Variants in TAPBP observed in about 807,000 individuals in gnomAD.
The protein encoded by TAPBP is TAP binding protein, also known as tapasin.
TAPBP carries 38 observed loss-of-function variants against 45.7 expected under a neutral mutation model. The ratio of observed to expected loss-of-function variants is 0.83; its 90% CI spans 0.64 to 1.09. TAPBP has a LOEUF of 1.09. TAPBP is among the 50% of genes least tolerant of loss of function. TAPBP has a pLI of 0.00. For synonymous variants in TAPBP, 226 were observed against 254.8 expected (o/e 0.89, Z 1.08); for missense variants, 513 against 587.3 (o/e 0.87, Z 1.31).
rs1768599591 is a variant in TAPBP at position 33,301,673 on chromosome 6, C to T, written c.*87G>A. ...GGAGAGAGATTGGAGGGATTAGGAG[C>T]AGATGATAGGGTATTATTTTAGGGA... On this transcript the variant is annotated 3_prime_UTR_variant, in exon 8 of 8. Coordinates refer to ENST00000434618, the MANE Select transcript of TAPBP (RefSeq NM_003190.5). 6 of 1,213,040 alleles carry T rather than the reference C, an allele frequency of 4.9e-6. No homozygotes were observed. The highest frequency in any genetic ancestry group is 6.1e-6 in the Non-Finnish European group (5 of 823,120). 75.1% of individuals were successfully genotyped at this position (1,213,040 alleles called of 1,614,324 possible). A position where few individuals can be genotyped will look rare whatever the true frequency, so the allele number is the denominator to read the frequency against.
Position 33,304,502 on chromosome 6 carries a change from G to A in TAPBP, c.1005C>T (p.Gly335=). The change falls in exon 5 of 8, where the codon GGC becomes GGT. Residue 335 remains glycine (G), a synonymous_variant. Transcript: ENST00000434618. Reference sequence around the variant, plus strand: ...CGGCCTTCTGAGAGCGGCCCCCTGGGCCACCCCGGAGTTCCCACTCCACCT... The same window carrying A: ...CGGCCTTCTGAGAGCGGCCCCCTGGACCACCCCGGAGTTCCCACTCCACCT... ...GLEVEWELRG[G]PGGRSQKAEG... is the part of the protein sequence containing the mutation. 6.2e-7 allele frequency: 1 copy of A among 1,613,232 alleles called. No individual in the cohort carries two copies. Among genetic ancestry groups the A allele is most frequent in the South Asian group, 1.1e-5 (1 of 90,982 alleles).
At position 33,314,061 on chromosome 6, in the gene TAPBP, C is replaced by A. The variant is rs1417132952; in HGVS notation, c.-20G>T. The A allele has an allele frequency of 1.2e-6, 2 of 1,613,236 alleles. No individual in the cohort carries two copies. The highest frequency in any genetic ancestry group is 4.5e-5 in the East Asian group (2 of 44,840). On this transcript the variant is annotated 5_prime_UTR_variant, in exon 1 of 8. Transcript: ENST00000434618. ...CTTCATGGCGCTGCGACCTCCTCAG[C>A]CATGAAGCCTCCTCTTCCTCCTTTC...
At chr6:33,303,280 G>A (rs1200714748) in intron 7 of TAPBP, among the ~76,000 whole-genome samples, 2 of 152,080 alleles carry the variant, frequency 1.3e-5, no homozygotes, top group African/African-American at 4.8e-5. Flanking sequence ...TTAGCCAGGC[G>A]TGGTGGTGGG....
rs1360892036 is a variant in TAPBP, at chr6:33,313,007, G to A, written c.469+210C>T. On this transcript the variant is annotated intron_variant, in intron 3 of 7. Coordinates refer to ENST00000434618, the MANE Select transcript of TAPBP (RefSeq NM_003190.5). The surrounding 1 kb of genome is among the most constrained non-coding windows in gnomAD (Gnocchi z 7.2). Reference sequence around the variant, plus strand: ...TCCCCCTACCCCCTGCCAAGCTGCAGTTTTTTTTTTGTTTTTTTTTTTTAA... The same window carrying A: ...TCCCCCTACCCCCTGCCAAGCTGCAATTTTTTTTTTGTTTTTTTTTTTTAA... 4.7e-5 allele frequency: 20 copies of A among 427,272 alleles called. No individual in the cohort carries two copies. In the Admixed American group the frequency reaches 6.1e-4, roughly 13 times the overall value. 26.5% of individuals were successfully genotyped at this position (427,272 alleles called of 1,614,324 possible). A position where few individuals can be genotyped will look rare whatever the true frequency, so the allele number is the denominator to read the frequency against.
At chr6:33,304,099 G>A (rs760853660) in intron 6 of TAPBP, 29 bp downstream of exon 6, 2 of 1,611,906 alleles carry the variant, frequency 1.2e-6, no homozygotes, top group Non-Finnish European at 8.5e-7. Context: ...CCAACCTCAG[G>A]TCATGGTCAG....
chr6:33,303,551 T>TC, intron 7 of TAPBP: 1 of 603,878 alleles, frequency 1.7e-6, no homozygotes, highest in Non-Finnish European at 2.8e-6. Flanking sequence ...TCTGAAAAAA[T>TC]CCAACATCCA....
Position 33,304,583 on chromosome 6 carries a change from C to T in TAPBP, c.924G>A (p.Glu308=). 6.2e-6 allele frequency: 10 copies of T among 1,601,794 alleles called. No individual in the cohort carries two copies. Among genetic ancestry groups the T allele is most frequent in the Non-Finnish European group, 8.5e-6 (10 of 1,178,446 alleles). The stretch of plus-strand genomic sequence containing the variant: ...CAAGGCAGAGCAATTCCGGGGGTGC[C>T]TCCCCTGGGGCGGCCCGTGCAAGGG... ...PATLARAAPG[E]APPELLCLVS... is the part of the protein sequence containing the mutation. Residue 308 remains glutamate, a synonymous_variant, in exon 5 of 8, where the codon GAG becomes GAA. Coordinates refer to ENST00000434618, the MANE Select transcript of TAPBP (RefSeq NM_003190.5).
intron 3 of TAPBP, among the ~76,000 whole-genome samples, chr6:33,306,144 A>G (rs1768957401): frequency 6.6e-6 from 1 of 152,198 alleles, no homozygotes; most frequent in Non-Finnish European, 1.5e-5. Context: ...ACACCTACCC[A>G]TGAAGGGTGC....
intron 7 of TAPBP, among the ~76,000 whole-genome samples, chr6:33,302,157 T>C (rs1768637629): frequency 6.7e-6 from 1 of 150,356 alleles, no homozygotes; most frequent in South Asian, 2.1e-4. Flanking sequence ...TTTTTTTTTT[T>C]TTTTTTGAGA....
rs41266737 is a variant in TAPBP at position 33,304,699 on chromosome 6, C to T, written c.869-61G>A. The T allele has an allele frequency of 4.8e-3, 7,093 of 1,487,558 alleles. 259 individuals carry two copies. In the African/African-American group the frequency reaches 0.079, roughly 17 times the overall value. The allele number at this position is 1,487,558 out of a possible 1,614,324, so 92.1% of individuals were successfully genotyped here. A position where few individuals can be genotyped will look rare whatever the true frequency, so the allele number is the denominator to read the frequency against. ...AGTCCATACTGTCCTCCCTAAGAGA[C>T]CCTCAGTTTGCCTGCTGGCTTCCTC... is the stretch of plus-strand genomic sequence containing the variant. On this transcript the variant is annotated intron_variant, in intron 4 of 7. Transcript: ENST00000434618.
At chr6:33,311,713 A>G (rs1769354614) in intron 3 of TAPBP, among the ~76,000 whole-genome samples, 1 of 152,232 alleles carries the variant, frequency 6.6e-6, no homozygotes, top group African/African-American at 2.4e-5. Context: ...AATACAGACA[A>G]TCTTACCACC....
rs538568209 is a variant in TAPBP at position 33,305,099 on chromosome 6, T to C, written c.758A>G (p.Asn253Ser). ...AACTGTAGGCAGCCAGAAGGTCCCA[T>C]TTCCGGTCCATGGGCCCCATGGCTC... ...DDEPWGPWTG[N>S]GTFWLPTVQP... The change falls in exon 4 of 8, where the codon AAT becomes AGT. Residue 253 changes from asparagine (N) to serine (S), a missense_variant. Transcript: ENST00000434618. The surrounding 1 kb of genome is among the most constrained non-coding windows in gnomAD (Gnocchi z 4.4). The C allele has an allele frequency of 1.5e-5, 25 of 1,614,190 alleles. 1 individual carries two copies. The East Asian group carries it at 2.9e-4, about 19-fold the overall frequency.
rs1227099206 is a variant in TAPBP, at chr6:33,304,007, G to A, written c.1301-18C>T. 1.9e-6 allele frequency: 3 copies of A among 1,613,892 alleles called. No individual in the cohort carries two copies. The East Asian group carries it at 6.7e-5, about 36-fold the overall frequency. ...GTAGACAGCTGTGGGGAAAGATTGA[G>A]AAGGGATGGGATGCTGGAGTGGTAG... is the stretch of plus-strand genomic sequence containing the variant. On this transcript the variant is annotated intron_variant, in intron 6 of 7. Transcript: ENST00000434618.
At chr6:33,302,352 C>A (rs749203817) in intron 7 of TAPBP, among the ~76,000 whole-genome samples, 2 of 151,478 alleles carry the variant, frequency 1.3e-5, no homozygotes, top group Non-Finnish European at 2.9e-5. Flanking sequence ...TGAGACAGAG[C>A]CTCACTCTGT....
chr6:33,303,580 G>C, intron 7 of TAPBP: 2 of 729,110 alleles, frequency 2.7e-6, no homozygotes, highest in Non-Finnish European at 4.3e-6. Context: ...TCTGACCCAA[G>C]CATTTCAGAT....
chr6:33,304,920 C>T (rs1300109372), intron 4 of TAPBP, 69 bp downstream of exon 4: 4 of 1,573,318 alleles, frequency 2.5e-6, no homozygotes, highest in Middle Eastern at 1.9e-4. Flanking sequence ...CATCATCCCT[C>T]CCCCTATTAC....
rs1356930412 is a variant in TAPBP, at chr6:33,304,520, C to T, written c.987G>A (p.Glu329=). 6.2e-7 allele frequency: 1 copy of T among 1,613,096 alleles called. No homozygotes were observed. The highest frequency in any genetic ancestry group is 1.3e-5 in the African/African-American group (1 of 74,912). Residue 329 remains glutamate (E), a synonymous_variant, in exon 5 of 8, where the codon GAG becomes GAA. Coordinates refer to ENST00000434618, the MANE Select transcript of TAPBP (RefSeq NM_003190.5). The part of the protein sequence containing the change: ...HFYPSGGLEV[E]WELRGGPGGR... ...CCCCTGGGCCACCCCGGAGTTCCCA[C>T]TCCACCTCCAGGCCCCCAGAAGGGT... is the stretch of plus-strand genomic sequence containing the variant.
intron 6 of TAPBP, 45 bp downstream of exon 6, chr6:33,304,083 A>G (rs749036026): frequency 2.4e-5 from 38 of 1,610,270 alleles, no homozygotes; most frequent in Middle Eastern, 1.6e-4. Flanking sequence ...AGGTGGGGAA[A>G]GTCCACCAAC....
At chr6:33,311,797 C>T (rs578075637) in intron 3 of TAPBP, among the ~76,000 whole-genome samples, 4 of 152,292 alleles carry the variant, frequency 2.6e-5, no homozygotes, top group Admixed American at 6.5e-5. Context: ...GTGGCAAATA[C>T]GCCCAGAACC....
Sources: allele counts gnomAD v4.1 joint callset (sites outside exome capture counted in the v4.1 genomes callset), GRCh38; gene constraint gnomAD v4.1.1; non-coding constraint Gnocchi (gnomAD v3.1); transcripts MANE v1.5; gene names NCBI Gene and HGNC (gene_info 2026-07-23, HGNC 2026-07-21).